The following CACNA1B variants were observed in gnomAD, a reference collection of about 807,000 sequenced individuals.
CACNA1B encodes calcium voltage-gated channel subunit alpha1 B.
A neutral mutation model predicts 247.2 loss-of-function variants in CACNA1B; 70 were observed. The observed-to-expected ratio is 0.28, with a 90% CI of 0.23 to 0.35. The LOEUF is 0.35. Among genes scored for constraint, CACNA1B ranks in the 10% least tolerant of loss-of-function variants. The pLI is 1.00. For synonymous variants in CACNA1B, 1,231 were observed against 1,294.4 expected (o/e 0.95, Z 1.05); for missense variants, 2,367 against 3,197.4 (o/e 0.74, Z 6.26).
Position 138,072,157 on chromosome 9 carries a change from G to A in CACNA1B, c.4675-1331G>A, listed in dbSNP as rs962152951. On this transcript the variant is annotated intron_variant, in intron 32 of 46. Transcript: ENST00000371372. This position sits in a 1 kb window ranked among gnomAD's most constrained non-coding sequence, Gnocchi z 4.5. The stretch of plus-strand genomic sequence containing the variant: ...GCCTTGCTGATTTGGATCATAGCCC[G>A]TCCTTGTGCCCACTGGCCATGGATA... 1.3e-5 allele frequency among the ~76,000 whole-genome samples: 2 copies of A among 152,160 alleles called. No homozygotes were observed. The highest frequency in any genetic ancestry group is 4.8e-5 in the African/African-American group (2 of 41,432).
intron 3 of CACNA1B, among the ~76,000 whole-genome samples, chr9:137,905,797 C>G (rs1484343806): frequency 1.3e-5 from 2 of 152,226 alleles, no homozygotes; most frequent in African/African-American, 4.8e-5. Context: ...ATTTAATTCT[C>G]AGCCTTCCTG....
chr9:137,962,264 CTCTCT>C (rs1177991760), intron 10 of CACNA1B, among the ~76,000 whole-genome samples: 3 of 148,126 alleles, frequency 2.0e-5, no homozygotes, highest in Non-Finnish European at 3.0e-5. Context: ...TTTGAATCTT[CTCTCT>C]TCTCTTTTTT....
intron 31 of CACNA1B, among the ~76,000 whole-genome samples, chr9:138,063,444 T>C (rs371118834): frequency 6.6e-6 from 1 of 152,206 alleles, no homozygotes; most frequent in African/African-American, 2.4e-5. Flanking sequence ...CAGTGAGCTA[T>C]GATCGCACCA....
chr9:138,013,288 C>A, intron 18 of CACNA1B, 53 bp downstream of exon 18: 1 of 1,396,152 alleles, frequency 7.2e-7, no homozygotes, highest in Non-Finnish European at 9.8e-7. Context: ...CTGCAGGGTC[C>A]CATGGCTGGG....
rs1437805762 is a variant in CACNA1B at position 138,010,667 on chromosome 9, G to A, written c.2160+590G>A. Among the ~76,000 whole-genome samples the A allele has an allele frequency of 1.3e-5, 2 of 152,118 alleles. No individual in the cohort carries two copies. Among genetic ancestry groups the A allele is most frequent in the African/African-American group, 2.4e-5 (1 of 41,410 alleles). On this transcript the variant is annotated intron_variant, in intron 17 of 46. Transcript: ENST00000371372. This position sits in a 1 kb window ranked among gnomAD's most constrained non-coding sequence, Gnocchi z 5.3. Reference sequence around the variant, plus strand: ...TGCCTTCTGGTTTGGTGTGAACCACGCTGCAAACGTCCCACGTGCATGCTC... The same window carrying A: ...TGCCTTCTGGTTTGGTGTGAACCACACTGCAAACGTCCCACGTGCATGCTC...
intron 3 of CACNA1B, among the ~76,000 whole-genome samples, chr9:137,905,288 G>T (rs1957285699): frequency 6.6e-6 from 1 of 151,560 alleles, no homozygotes; most frequent in African/African-American, 2.4e-5. Context: ...AGGAGGCGGA[G>T]CTTGCAGTGA....
intron 17 of CACNA1B, 69 bp from the exon 18 acceptor site, chr9:138,013,060 A>G (rs1958744938): frequency 1.8e-6 from 2 of 1,113,172 alleles, no homozygotes; most frequent in Admixed American, 1.8e-5. Flanking sequence ...AGCTGATGTT[A>G]TATATAGCCA....
At chr9:138,013,533 G>A (rs1480978939) in intron 18 of CACNA1B, among the ~76,000 whole-genome samples, 1 of 152,196 alleles carries the variant, frequency 6.6e-6, no homozygotes, top group Admixed American at 6.5e-5. Flanking sequence ...CCCTCCCCAG[G>A]CAACTGTGAA....
rs1589050365 is a variant in CACNA1B, at chr9:137,986,954, A to G, written c.1974+100A>G. The G allele has an allele frequency of 2.2e-6, 2 of 900,460 alleles. No individual in the cohort carries two copies. The highest frequency in any genetic ancestry group is 3.7e-6 in the Non-Finnish European group (2 of 537,834). 55.8% of individuals were successfully genotyped at this position (900,460 alleles called of 1,614,324 possible). A position where few individuals can be genotyped will look rare whatever the true frequency, so the allele number is the denominator to read the frequency against. ...CTGTCATTCCCTCCCTTGTTCCTCC[A>G]CACGGCCCAGATCACTGACTTTTCA... On this transcript the variant is annotated intron_variant, in intron 15 of 46. Transcript: ENST00000371372. This position sits in a 1 kb window ranked among gnomAD's most constrained non-coding sequence, Gnocchi z 6.0.
At chr9:138,112,104 A>G (rs1348705132) in intron 39 of CACNA1B, among the ~76,000 whole-genome samples, 3 of 139,782 alleles carry the variant, frequency 2.1e-5, no homozygotes, top group African/African-American at 5.1e-5. Context: ...TCCCATGCAC[A>G]CACGAACGTG....
intron 26 of CACNA1B, among the ~76,000 whole-genome samples, chr9:138,055,311 T>G (rs886665877): frequency 6.6e-6 from 1 of 152,012 alleles, no homozygotes; most frequent in South Asian, 2.1e-4. Context: ...TAAAATTTTT[T>G]GTGGAGATGA....
Position 138,051,302 on chromosome 9 carries a change from G to A in CACNA1B, c.3711-790G>A, listed in dbSNP as rs1488364553. Among the ~76,000 whole-genome samples the A allele has an allele frequency of 6.6e-6, 1 of 151,826 alleles. No homozygotes were observed. Among genetic ancestry groups the A allele is most frequent in the Non-Finnish European group, 1.5e-5 (1 of 67,974 alleles). On this transcript the variant is annotated intron_variant, in intron 24 of 46. Transcript: ENST00000371372. This position sits in a 1 kb window ranked among gnomAD's most constrained non-coding sequence, Gnocchi z 4.3. ...TCTGTCCTGGCTTTTTCTTGGAGGG[G>A]CCCTGATTGAGGCCCTCTGGTTCTG...
At chr9:138,096,206 A>C (rs1961050274) in intron 36 of CACNA1B, among the ~76,000 whole-genome samples, 1 of 152,108 alleles carries the variant, frequency 6.6e-6, no homozygotes, top group African/African-American at 2.4e-5. Context: ...TCTGAGAGGG[A>C]AAGACAATGT....
chr9:137,929,268 A>C (rs751380150), intron 6 of CACNA1B, among the ~76,000 whole-genome samples: 3 of 152,154 alleles, frequency 2.0e-5, no homozygotes, highest in Non-Finnish European at 4.4e-5. Context: ...AATTTTAACC[A>C]TCAGGCCAGG....
In CACNA1B at chr9:138,123,052, C is replaced by CT. The variant is rs1239119035; in HGVS notation, c.*1055dup. ...AAGCCACAGGGCAGCTGACCACGTG[C>CT]TTGTGTGAGGCATTTTCAGTCTGTT... On this transcript the variant is annotated 3_prime_UTR_variant, in exon 47 of 47. Transcript: ENST00000371372. The CT allele has an allele frequency of 6.6e-6, 1 of 152,250 alleles. No homozygotes were observed. Among genetic ancestry groups the CT allele is most frequent in the Non-Finnish European group, 1.5e-5 (1 of 68,044 alleles). The allele number at this position is 152,250 out of a possible 1,614,324, so 9.4% of individuals were successfully genotyped here.
At chr9:138,078,766 G>A (rs1960414769) in intron 36 of CACNA1B, among the ~76,000 whole-genome samples, 1 of 152,192 alleles carries the variant, frequency 6.6e-6, no homozygotes, top group Non-Finnish European at 1.5e-5. Flanking sequence ...AGACGACTGG[G>A]GGCAACAGTG....
At chr9:138,106,228 A>G (rs1961420126) in intron 39 of CACNA1B, among the ~76,000 whole-genome samples, 1 of 152,094 alleles carries the variant, frequency 6.6e-6, no homozygotes, top group South Asian at 2.1e-4. Context: ...GAGCGATGCC[A>G]AAGCAAGGAG....
rs577761287 is a variant in CACNA1B, at chr9:137,900,387, C to T, written c.531-12793C>T. Among the ~76,000 whole-genome samples the T allele has an allele frequency of 8.5e-5, 13 of 152,190 alleles. No individual in the cohort carries two copies. The South Asian group carries it at 2.5e-3, about 29-fold the overall frequency. On this transcript the variant is annotated intron_variant, in intron 3 of 46. Transcript: ENST00000371372. ...CCGACCTTGGGTGCCAGAGTGAGGG[C>T]GGGTCTTTACATGTGTGACTGCTGT...
At chr9:138,025,729 C>A (rs1958912986) in intron 20 of CACNA1B, among the ~76,000 whole-genome samples, 1 of 152,214 alleles carries the variant, frequency 6.6e-6, no homozygotes, top group African/African-American at 2.4e-5. Context: ...CTTTCCATGC[C>A]TGCCTGTGTG....
Sources: allele counts gnomAD v4.1 joint callset (sites outside exome capture counted in the v4.1 genomes callset), GRCh38; gene constraint gnomAD v4.1.1; non-coding constraint Gnocchi (gnomAD v3.1); transcripts MANE v1.5; gene names NCBI Gene and HGNC (gene_info 2026-07-23, HGNC 2026-07-21).